PDLIM1: variants seen among roughly 807,000 people sequenced by gnomAD.
PDLIM1 encodes PDZ and LIM domain 1.
A neutral mutation model predicts 35.2 loss-of-function variants in PDLIM1; 25 were observed. The observed-to-expected ratio is 0.71, with a 90% confidence interval of 0.52 to 0.99. The LOEUF is 0.99. Ranked by LOEUF, PDLIM1 falls within the 50% of genes least tolerant of loss-of-function variation. The probability of loss-of-function intolerance (pLI) is 0.00; values close to 1 mark genes in which losing one functional copy is unlikely to be tolerated. For synonymous variants in PDLIM1, 152 were observed against 154.0 expected (o/e 0.99, Z 0.10); for missense variants, 363 against 415.3 (o/e 0.87, Z 1.09).
chr10:95,248,013 C>T (rs991260488), intron 4 of PDLIM1, among the ~76,000 whole-genome samples: 3 of 152,238 alleles, frequency 2.0e-5, no homozygotes, highest in Non-Finnish European at 4.4e-5. Flanking sequence ...TCTTCCCCAC[C>T]TTCCTCCTGT....
At chr10:95,241,676 A>G (rs952618215) in intron 5 of PDLIM1, among the ~76,000 whole-genome samples, 1 of 152,194 alleles carries the variant, frequency 6.6e-6, no homozygotes, top group Non-Finnish European at 1.5e-5. Flanking sequence ...AGCCAACGTG[A>G]GCAGATGTGA....
At chr10:95,247,533 G>A (rs987440284) in intron 4 of PDLIM1, 167 bp from the exon 5 acceptor site, 2 of 568,066 alleles carry the variant, frequency 3.5e-6, no homozygotes, top group Non-Finnish European at 6.1e-6. Context: ...GTGAAACTGA[G>A]ATGTCTTTGT....
intron 1 of PDLIM1, among the ~76,000 whole-genome samples, chr10:95,279,037 G>T (rs879899150): frequency 4.6e-5 from 7 of 151,886 alleles, no homozygotes; most frequent in African/African-American, 1.7e-4. Context: ...CAACAGTCTT[G>T]TTTTTTTTCT....
Position 95,247,355 on chromosome 10 carries a change from G to A in PDLIM1, c.545C>T (p.Ala182Val), listed in dbSNP as rs372954782. 6.2e-7 allele frequency: 1 copy of A among 1,613,640 alleles called. No individual in the cohort carries two copies. The highest frequency in any genetic ancestry group is 1.7e-5 in the Admixed American group (1 of 59,962). ...GATGACAAGGCTGCTTGGAGGCTGA[G>A]CATGGTCTAAGCTGTAAAGAATGTT... ...VEANSRPLDH[A>V]QPPSSLVIDK... is the part of the protein sequence containing the mutation. Residue 182 changes from alanine to valine, a missense_variant, in exon 5 of 7, where the codon GCT (alanine) becomes GTT (valine). Physicochemically the swap from Ala to Val is moderately conservative, Grantham distance 64 (BLOSUM62 0). Coordinates refer to ENST00000329399, the MANE Select transcript of PDLIM1 (RefSeq NM_020992.4).
At chr10:95,267,570 T>C (rs949244616) in intron 3 of PDLIM1, among the ~76,000 whole-genome samples, 2 of 152,212 alleles carry the variant, frequency 1.3e-5, no homozygotes, top group Non-Finnish European at 2.9e-5. Flanking sequence ...ATCCTTAAAA[T>C]GACTCTTGGG....
At chr10:95,264,685 C>A (rs1451027762) in intron 3 of PDLIM1, among the ~76,000 whole-genome samples, 1 of 152,108 alleles carries the variant, frequency 6.6e-6, no homozygotes, top group Non-Finnish European at 1.5e-5. Context: ...GTCGGGGATA[C>A]CTGTTACAGG....
At position 95,276,889 on chromosome 10, in the gene PDLIM1, A is replaced by C. The variant is rs574492638; in HGVS notation, c.97-5105T>G. On this transcript the variant is annotated intron_variant, in intron 1 of 6. Coordinates refer to ENST00000329399, the MANE Select transcript of PDLIM1 (RefSeq NM_020992.4). ...ACCAGCTCATAATAGAGTCAGCTTC[A>C]GTTTCCTAAAAAAAAAAAAAAAAAA... Among the ~76,000 whole-genome samples the C allele has an allele frequency of 8.5e-5, 8 of 94,068 alleles. No individual in the cohort carries two copies. In the South Asian group the frequency reaches 3.3e-3, roughly 39 times the overall value. The allele number at this position is 94,068 out of a possible 152,430, so 61.7% of individuals were successfully genotyped here.
chr10:95,267,210 G>C (rs975373085), intron 3 of PDLIM1, among the ~76,000 whole-genome samples: 2 of 152,106 alleles, frequency 1.3e-5, no homozygotes, highest in African/African-American at 4.8e-5. Flanking sequence ...GGTAACTACA[G>C]ATTTAAAATG....
At chr10:95,275,902 A>T (rs1356775240) in intron 1 of PDLIM1, among the ~76,000 whole-genome samples, 3 of 150,786 alleles carry the variant, frequency 2.0e-5, no homozygotes, top group South Asian at 4.2e-4. Context: ...TTTTTTTTTT[A>T]AAGCCAAACT....
intron 3 of PDLIM1, among the ~76,000 whole-genome samples, chr10:95,265,472 G>A (rs975443384): frequency 4.6e-5 from 7 of 151,822 alleles, no homozygotes; most frequent in Non-Finnish European, 7.4e-5. Context: ...GCGCATGCCT[G>A]TAATCCCAGC....
At chr10:95,258,173 C>T (rs1161616737) in intron 4 of PDLIM1, among the ~76,000 whole-genome samples, 1 of 151,874 alleles carries the variant, frequency 6.6e-6, no homozygotes, top group East Asian at 1.9e-4. Context: ...AGATTTGACC[C>T]CATGATTCAA....
At position 95,247,273 on chromosome 10, in the gene PDLIM1, G is replaced by A; in HGVS notation, c.627C>T (p.Pro209=). 1 of 1,614,048 alleles carries A rather than the reference G, an allele frequency of 6.2e-7. No homozygotes were observed. The highest frequency in any genetic ancestry group is 1.7e-5 in the Admixed American group (1 of 60,028). Residue 209 remains proline (P), a synonymous_variant, in exon 5 of 7, where the codon CCC becomes CCT. Transcript: ENST00000329399. ...MLQEKQELNE[P]PKQSTSFLVL... is the part of the protein sequence containing the mutation. ...CCAAGAAAGACGTGGACTGTTTCGG[G>A]GGCTCATTCAACTCCTGTTTCTCCT...
intron 1 of PDLIM1, among the ~76,000 whole-genome samples, chr10:95,288,900 GCA>G (rs1450464974): frequency 3.9e-5 from 6 of 152,282 alleles, no homozygotes; most frequent in East Asian, 3.9e-4. Flanking sequence ...TGAGGCGTTT[GCA>G]CAGTTTCTGG....
intron 3 of PDLIM1, among the ~76,000 whole-genome samples, chr10:95,267,697 A>T (rs552008444): frequency 2.6e-4 from 39 of 152,346 alleles, no homozygotes; most frequent in African/African-American, 8.9e-4. Flanking sequence ...CCCAATTAAC[A>T]CACACTAATA....
At chr10:95,257,378 A>G (rs1358993833) in intron 4 of PDLIM1, among the ~76,000 whole-genome samples, 1 of 152,152 alleles carries the variant, frequency 6.6e-6, no homozygotes, top group Non-Finnish European at 1.5e-5. Flanking sequence ...AACAGAGTGA[A>G]AAGGCAACTT....
intron 4 of PDLIM1, among the ~76,000 whole-genome samples, chr10:95,259,583 GCAC>G (rs1169291637): frequency 6.6e-6 from 1 of 152,150 alleles, no homozygotes; most frequent in African/African-American, 2.4e-5. Flanking sequence ...GTAATTGTGG[GCAC>G]CAGGAGAAGA....
At chr10:95,274,759 A>C (rs2035497208) in intron 1 of PDLIM1, among the ~76,000 whole-genome samples, 2 of 152,202 alleles carry the variant, frequency 1.3e-5, no homozygotes, top group African/African-American at 2.4e-5. Context: ...ATATTGCAAA[A>C]ATTTTAACAG....
At chr10:95,264,794 T>C (rs1279664716) in intron 3 of PDLIM1, among the ~76,000 whole-genome samples, 2 of 147,582 alleles carry the variant, frequency 1.4e-5, no homozygotes, top group African/African-American at 4.9e-5. Context: ...ACCCCCACCC[T>C]AGACTTGTTA....
intron 2 of PDLIM1, among the ~76,000 whole-genome samples, chr10:95,270,775 G>C (rs2035457366): frequency 6.6e-6 from 1 of 151,942 alleles, no homozygotes; most frequent in Non-Finnish European, 1.5e-5. Context: ...TTTTGAGATG[G>C]AGTTTCGCTC....
Sources: gnomAD v4.1 joint callset for allele counts (sites outside exome capture counted in the v4.1 genomes callset) on GRCh38, gnomAD v4.1.1 for gene constraint, MANE v1.5 for transcripts, NCBI Gene and HGNC (gene_info 2026-07-23, HGNC 2026-07-21) for gene names.